Variants in ITPRIP observed in about 807,000 individuals in gnomAD.
ITPRIP encodes the protein inositol 1,4,5-trisphosphate receptor interacting protein.
ITPRIP carries 32 observed loss-of-function variants against 35.8 expected under a neutral mutation model. The observed-to-expected ratio is 0.89, with a 90% CI of 0.68 to 1.20. The LOEUF (loss-of-function observed/expected upper bound fraction) is 1.20, where lower values mean the gene tolerates loss of function less well. Among genes scored for constraint, ITPRIP ranks in the 50% most tolerant of loss-of-function variants. The pLI, the probability that ITPRIP is intolerant of heterozygous loss-of-function variation, is 0.00. For missense variants in ITPRIP, 653 were observed against 735.6 expected, an observed-to-expected ratio of 0.89 and a Z score of 1.30; for synonymous variants, 358 against 324.0, an observed-to-expected ratio of 1.11 and a Z score of -1.13.
At chr10:104,320,580 T>C (rs2013822386) in intron 1 of ITPRIP, among the ~76,000 whole-genome samples, 1 of 150,094 alleles carries the variant, frequency 6.7e-6, no homozygotes, top group South Asian at 2.1e-4. Flanking sequence ...CTCTGTCGCC[T>C]GGGCTAGAGT....
intron 1 of ITPRIP, among the ~76,000 whole-genome samples, chr10:104,316,718 C>T (rs2013704219): frequency 6.6e-6 from 1 of 152,138 alleles, no homozygotes; most frequent in Non-Finnish European, 1.5e-5. Context: ...AATAAAGAAA[C>T]CCTTTTTAAG....
In ITPRIP at chr10:104,315,134, C is replaced by G. The variant is rs748039836; in HGVS notation, c.918G>C (p.Thr306=). 1 of 1,613,988 alleles carries G rather than the reference C, an allele frequency of 6.2e-7. No homozygotes were observed. Among genetic ancestry groups the G allele is most frequent in the African/African-American group, 1.3e-5 (1 of 75,048 alleles). ...TGCCCTTCCAGGCTCTGGTGAGGGCCGTCTGGAACCACTTCATGACCTGCA... is the reference window on the plus strand; with the variant it reads ...TGCCCTTCCAGGCTCTGGTGAGGGCGGTCTGGAACCACTTCATGACCTGCA... ...DTMQVMKWFQ[T]ALTRAWKGIA... The change falls in exon 2 of 2, where the codon ACG becomes ACC. Residue 306 remains threonine, a synonymous_variant. Coordinates refer to ENST00000337478, the MANE Select transcript of ITPRIP (RefSeq NM_001272013.2). This position sits in a 1 kb window ranked among gnomAD's most constrained non-coding sequence, Gnocchi z 5.7.
intron 1 of ITPRIP, among the ~76,000 whole-genome samples, chr10:104,335,235 T>C (rs2014214264): frequency 6.6e-6 from 1 of 152,194 alleles, no homozygotes; most frequent in Non-Finnish European, 1.5e-5. Context: ...CTGTACGGTG[T>C]GGAAACTAAG....
chr10:104,338,103 C>A (rs2014277306), intron 1 of ITPRIP, 143 bp downstream of exon 1: 1 of 152,708 alleles, frequency 6.5e-6, no homozygotes, highest in South Asian at 2.1e-4. Context: ...AGTCAGCCCC[C>A]ACCCGGGAGG....
At chr10:104,319,141 AC>A (rs1171498911) in intron 1 of ITPRIP, among the ~76,000 whole-genome samples, 2 of 152,234 alleles carry the variant, frequency 1.3e-5, no homozygotes, top group Non-Finnish European at 1.5e-5. Context: ...CTGTGTTCTA[AC>A]CTTGAGTGAC....
rs1008540622 is a variant in ITPRIP at position 104,315,443 on chromosome 10, G to A, written c.609C>T (p.Asp203=). 1 of 1,608,214 alleles carries A rather than the reference G, an allele frequency of 6.2e-7. No individual in the cohort carries two copies. The highest frequency in any genetic ancestry group is 2.2e-5 in the East Asian group (1 of 44,788). Residue 203 remains aspartate (D), a synonymous_variant, in exon 2 of 2, where the codon GAC becomes GAT. Transcript: ENST00000337478. This position sits in a 1 kb window ranked among gnomAD's most constrained non-coding sequence, Gnocchi z 5.7. ...VDSMYENWQV[D]RPLLCHLFVP... is the part of the protein sequence containing the mutation. ...CGAAAAGGTGGCACAGCAGTGGCCT[G>A]TCCACCTGCCAGTTCTCGTACATGC...
chr10:104,335,883 C>T (rs60006580), intron 1 of ITPRIP, among the ~76,000 whole-genome samples: 4,401 of 151,624 alleles, frequency 0.029, 153 homozygotes, highest in East Asian at 0.1. Context: ...CTAACTCATA[C>T]GGCTACTGTG....
intron 1 of ITPRIP, among the ~76,000 whole-genome samples, chr10:104,337,375 T>C (rs981670353): frequency 2.0e-5 from 3 of 152,200 alleles, no homozygotes; most frequent in African/African-American, 7.2e-5. Context: ...GACCAGTATC[T>C]GGTACTCTAC....
chr10:104,332,111 C>G (rs1044425328), intron 1 of ITPRIP, among the ~76,000 whole-genome samples: 8 of 152,166 alleles, frequency 5.3e-5, no homozygotes, highest in Non-Finnish European at 1.0e-4. Context: ...TGAGTCTGTT[C>G]TTTCACCTGT....
intron 1 of ITPRIP, among the ~76,000 whole-genome samples, chr10:104,317,217 C>A (rs977867487): frequency 6.6e-6 from 1 of 152,186 alleles, no homozygotes; most frequent in Non-Finnish European, 1.5e-5. Context: ...TTTCTTCTTA[C>A]CAGGCATGTG....
chr10:104,325,214 C>T (rs752194804), intron 1 of ITPRIP, among the ~76,000 whole-genome samples: 1 of 152,088 alleles, frequency 6.6e-6, no homozygotes, highest in Non-Finnish European at 1.5e-5. Context: ...AGTGAGACCT[C>T]GTCTTGAAAA....
At chr10:104,332,929 A>G (rs1295514109) in intron 1 of ITPRIP, among the ~76,000 whole-genome samples, 2 of 152,232 alleles carry the variant, frequency 1.3e-5, no homozygotes. Flanking sequence ...GCATTTCATC[A>G]TAACGCTCCA....
intron 1 of ITPRIP, among the ~76,000 whole-genome samples, chr10:104,332,437 T>C (rs1402011980): frequency 6.6e-6 from 1 of 152,170 alleles, no homozygotes; most frequent in Non-Finnish European, 1.5e-5. Flanking sequence ...TTTAATCAGG[T>C]GCCTTCAAGT....
At chr10:104,332,933 C>T (rs754988611) in intron 1 of ITPRIP, among the ~76,000 whole-genome samples, 5 of 152,210 alleles carry the variant, frequency 3.3e-5, no homozygotes, top group Admixed American at 1.3e-4. Flanking sequence ...TTCATCATAA[C>T]GCTCCACGAG....
chr10:104,332,396 G>A (rs945282640), intron 1 of ITPRIP, among the ~76,000 whole-genome samples: 3 of 152,306 alleles, frequency 2.0e-5, no homozygotes, highest in South Asian at 2.1e-4. Context: ...AAAAGCACCT[G>A]AAGTTATGCC....
chr10:104,315,284 G>A lies in ITPRIP; in HGVS notation c.768C>T (p.Ile256=). The change falls in exon 2 of 2, where the codon ATC becomes ATT. Residue 256 remains isoleucine (I), a synonymous_variant. Coordinates refer to ENST00000337478, the MANE Select transcript of ITPRIP (RefSeq NM_001272013.2). The surrounding 1 kb of genome is among the most constrained non-coding windows in gnomAD (Gnocchi z 5.7). ...VRADGDTLSC[I]CGKTKLGEDM... Reference sequence around the variant, plus strand: ...CTTCCCCGAGCTTGGTCTTGCCGCAGATGCAGCTCAATGTGTCCCCATCGG... The same window carrying A: ...CTTCCCCGAGCTTGGTCTTGCCGCAAATGCAGCTCAATGTGTCCCCATCGG... The A allele has an allele frequency of 6.2e-7, 1 of 1,600,106 alleles. No homozygotes were observed. Among genetic ancestry groups the A allele is most frequent in the Middle Eastern group, 1.7e-4 (1 of 5,994 alleles).
Position 104,314,075 on chromosome 10 carries a change from A to G in ITPRIP, c.*333T>C. On this transcript the variant is annotated 3_prime_UTR_variant, in exon 2 of 2. Transcript: ENST00000337478. Reference sequence around the variant, plus strand: ...CTGGGATTCAAAAAGAATTACACCCAATCCAACATTTGCATTGTCTCTAAC... The same window carrying G: ...CTGGGATTCAAAAAGAATTACACCCGATCCAACATTTGCATTGTCTCTAAC... The G allele has an allele frequency of 9.3e-7, 1 of 1,076,774 alleles. No homozygotes were observed. Among genetic ancestry groups the G allele is most frequent in the Non-Finnish European group, 1.1e-6 (1 of 886,900 alleles). The allele number at this position is 1,076,774 out of a possible 1,614,324, so 66.7% of individuals were successfully genotyped here. A position where few individuals can be genotyped will look rare whatever the true frequency, so the allele number is the denominator to read the frequency against.
rs748608558 is a variant in ITPRIP, at chr10:104,314,571, A to G, written c.1481T>C (p.Val494Ala). ...GAGGTTGAGGGGCTCGGCCCTGAGCACGGCCTCAGGGAGTCCCATGGCCTC... is the reference window on the plus strand; with the variant it reads ...GAGGTTGAGGGGCTCGGCCCTGAGCGCGGCCTCAGGGAGTCCCATGGCCTC... ...VPEAMGLPEAVLRAEPLNLFR... is the reference protein window; with the variant it reads ...VPEAMGLPEAALRAEPLNLFR... The change falls in exon 2 of 2, where the codon GTG (valine) becomes GCG (alanine). Residue 494 changes from valine (V) to alanine (A), a missense_variant. Transcript: ENST00000337478. 48 of 1,614,074 alleles carry G rather than the reference A, an allele frequency of 3.0e-5. No homozygotes were observed. The highest frequency in any genetic ancestry group is 4.1e-5 in the Non-Finnish European group (48 of 1,180,040).
At chr10:104,316,630 A>G (rs1296466511) in intron 1 of ITPRIP, among the ~76,000 whole-genome samples, 2 of 152,142 alleles carry the variant, frequency 1.3e-5, no homozygotes, top group Non-Finnish European at 2.9e-5. Context: ...ACCAACATAG[A>G]GGAAAGCAGA....
Sources: allele counts gnomAD v4.1 joint callset (sites outside exome capture counted in the v4.1 genomes callset), GRCh38; gene constraint gnomAD v4.1.1; non-coding constraint Gnocchi (gnomAD v3.1); transcripts MANE v1.5; gene names NCBI Gene and HGNC (gene_info 2026-07-23, HGNC 2026-07-21).